RIT2: variants seen among roughly 807,000 people sequenced by gnomAD.
RIT2 encodes the protein GTP-binding protein Rit2.
In RIT2, 24 loss-of-function variants were observed where a neutral mutation model predicts 23.7. The ratio of observed to expected loss-of-function variants is 1.01; its 90% CI spans 0.73 to 1.43. RIT2 has a LOEUF of 1.43. Ranked by LOEUF, RIT2 falls within the 40% of genes most tolerant of loss-of-function variation. The pLI is 0.00. For missense variants in RIT2, 236 were observed against 266.9 expected (o/e 0.88, Z 0.81); for synonymous variants, 107 against 91.1 (o/e 1.17, Z -0.99).
intron 4 of RIT2, among the ~76,000 whole-genome samples, chr18:42,906,007 C>CAT (rs1167959698): frequency 0.12 from 378 of 3,168 alleles, 1 homozygote; most frequent in South Asian, 0.22. Context: ...TATATATATA[C>CAT]ATATATATAT....
intron 4 of RIT2, among the ~76,000 whole-genome samples, chr18:42,818,089 T>C (rs1906048260): frequency 6.6e-6 from 1 of 152,050 alleles, no homozygotes; most frequent in Non-Finnish European, 1.5e-5. Context: ...AGTAATCATG[T>C]CTACTAATAA....
chr18:42,979,589 A>C (rs772895341), intron 2 of RIT2, among the ~76,000 whole-genome samples: 2 of 152,166 alleles, frequency 1.3e-5, no homozygotes, highest in African/African-American at 4.8e-5. Flanking sequence ...TTGTAGGTAC[A>C]TATGTGTGTC....
At chr18:42,890,491 A>AGGAG (rs907417492) in intron 4 of RIT2, among the ~76,000 whole-genome samples, 12 of 140,472 alleles carry the variant, frequency 8.5e-5, no homozygotes, top group East Asian at 2.5e-4. Flanking sequence ...GAGGGAGTCA[A>AGGAG]GGAGGGAGGG....
chr18:43,092,069 A>T lies in RIT2; in HGVS notation c.103+23348T>A, dbSNP rs535993918. ...AGATAACAGAACTCTTCTTTTGATG[A>T]CATCACATGCAAACACATTATGAAA... On this transcript the variant is annotated intron_variant, in intron 1 of 4. Transcript: ENST00000326695. Among the ~76,000 whole-genome samples the T allele has an allele frequency of 1.1e-4, 16 of 152,254 alleles. No individual in the cohort carries two copies. The South Asian group carries it at 1.7e-3, about 16-fold the overall frequency.
rs142040419 is a variant in RIT2 at position 43,029,691 on chromosome 18, C to A, written c.160+4120G>T. On this transcript the variant is annotated intron_variant, in intron 2 of 4. Transcript: ENST00000326695. ...TTCCTATCATTGTGCACCTTTGACTCCTTTGCTTTGAACAATGCCTGAAAC... is the reference window on the plus strand; with the variant it reads ...TTCCTATCATTGTGCACCTTTGACTACTTTGCTTTGAACAATGCCTGAAAC... 3.3e-5 allele frequency among the ~76,000 whole-genome samples: 5 copies of A among 152,056 alleles called. No homozygotes were observed. In the East Asian group the frequency reaches 7.7e-4, roughly 24 times the overall value.
chr18:43,110,225 A>G (rs1415881870), intron 1 of RIT2, among the ~76,000 whole-genome samples: 2 of 150,474 alleles, frequency 1.3e-5, no homozygotes. Flanking sequence ...CTGTATACGA[A>G]TATTTCCTTA....
At chr18:43,009,041 A>G (rs985223217) in intron 2 of RIT2, among the ~76,000 whole-genome samples, 2 of 151,694 alleles carry the variant, frequency 1.3e-5, no homozygotes, top group African/African-American at 4.8e-5. Flanking sequence ...GAAATGTGGC[A>G]AACTACCACC....
intron 4 of RIT2, among the ~76,000 whole-genome samples, chr18:42,912,544 T>C (rs554802001): frequency 4.1e-4 from 63 of 152,068 alleles, no homozygotes; most frequent in African/African-American, 1.4e-3. Context: ...CAATATACTT[T>C]GAGGACTAAT....
At chr18:42,957,383 C>T (rs1909996769) in intron 3 of RIT2, among the ~76,000 whole-genome samples, 1 of 152,088 alleles carries the variant, frequency 6.6e-6, no homozygotes, top group African/African-American at 2.4e-5. Context: ...CCTGTTGCAA[C>T]AATAATTTGG....
At chr18:42,752,681 C>A (rs1040961392) in intron 4 of RIT2, among the ~76,000 whole-genome samples, 1 of 150,628 alleles carries the variant, frequency 6.6e-6, no homozygotes, top group Non-Finnish European at 1.5e-5. Context: ...AAATAGTAAA[C>A]AAATGGCACA....
intron 4 of RIT2, among the ~76,000 whole-genome samples, chr18:42,852,054 A>C (rs938055835): frequency 1.6e-4 from 24 of 152,142 alleles, no homozygotes; most frequent in African/African-American, 5.3e-4. Context: ...AAAGTGCACC[A>C]CAAGGATATA....
intron 2 of RIT2, among the ~76,000 whole-genome samples, chr18:42,991,722 T>C (rs1438085450): frequency 6.6e-6 from 1 of 152,080 alleles, no homozygotes; most frequent in Non-Finnish European, 1.5e-5. Flanking sequence ...TCCTGGCTCA[T>C]CCTGACTCAA....
chr18:42,784,536 A>G (rs574021148), intron 4 of RIT2, among the ~76,000 whole-genome samples: 1 of 152,230 alleles, frequency 6.6e-6, no homozygotes, highest in South Asian at 2.1e-4. Flanking sequence ...ACTTGATTGT[A>G]AATTCTCAGT....
intron 4 of RIT2, among the ~76,000 whole-genome samples, chr18:42,816,264 G>A (rs865904876): frequency 3.9e-4 from 60 of 152,112 alleles, no homozygotes; most frequent in South Asian, 8.3e-4. Flanking sequence ...AGATGCTTGT[G>A]CACAATTGGC....
At chr18:42,835,002 A>G (rs932847558) in intron 4 of RIT2, among the ~76,000 whole-genome samples, 3 of 152,136 alleles carry the variant, frequency 2.0e-5, no homozygotes, top group African/African-American at 7.2e-5. Context: ...AACTGTCCTC[A>G]CATTACCCTT....
At chr18:43,098,613 GCAACAATAACAACCACGA>G (rs2144370174) in intron 1 of RIT2, among the ~76,000 whole-genome samples, 1 of 152,020 alleles carries the variant, frequency 6.6e-6, no homozygotes, top group East Asian at 1.9e-4. Flanking sequence ...AATAACAATA[GCAACAATAACAACCACGA>G]CAACAATAAC....
At chr18:42,908,793 G>A (rs1371223064) in intron 4 of RIT2, among the ~76,000 whole-genome samples, 1 of 152,136 alleles carries the variant, frequency 6.6e-6, no homozygotes, top group Non-Finnish European at 1.5e-5. Flanking sequence ...TGGTGGAAAT[G>A]TATACATAGG....
intron 4 of RIT2, among the ~76,000 whole-genome samples, chr18:42,796,755 C>G (rs192652316): frequency 1.2e-3 from 177 of 152,304 alleles, no homozygotes; most frequent in Non-Finnish European, 1.2e-3. Context: ...TTACCACTTT[C>G]CTGTCCAGCT....
In RIT2 at chr18:43,078,551, C is replaced by T. The variant is rs118013775; in HGVS notation, c.103+36866G>A. On this transcript the variant is annotated intron_variant, in intron 1 of 4. Coordinates refer to ENST00000326695, the MANE Select transcript of RIT2 (RefSeq NM_002930.4). ...GTAGTCCATAAGTTCCTTTAAGCCT[C>T]ATGGATCCTTGCATCGCGCACATGC... is the stretch of plus-strand genomic sequence containing the variant. Among the ~76,000 whole-genome samples, 1,032 of 152,270 alleles carry T rather than the reference C, an allele frequency of 6.8e-3. 8 individuals carry two copies. Among genetic ancestry groups the T allele is most frequent in the Non-Finnish European group, 6.7e-3 (458 of 68,024 alleles).
Sources: gnomAD v4.1 joint callset for allele counts (sites outside exome capture counted in the v4.1 genomes callset) on GRCh38, gnomAD v4.1.1 for gene constraint, MANE v1.5 for transcripts, NCBI Gene and HGNC (gene_info 2026-07-23, HGNC 2026-07-21) for gene names.